DCTN5: variants seen among roughly 807,000 people sequenced by gnomAD.
The protein encoded by DCTN5 is dynactin 4.
Under a neutral mutation model 23.5 loss-of-function variants are expected in DCTN5, and 14 were observed. The observed-to-expected ratio is 0.60, with a 90% confidence interval of 0.39 to 0.93. The LOEUF is 0.93. Ranked by LOEUF, DCTN5 falls within the 40% of genes least tolerant of loss-of-function variation. DCTN5 has a pLI of 0.00. For synonymous variants in DCTN5, 67 were observed against 79.6 expected, an observed-to-expected ratio of 0.84 and a Z score of 0.84; for missense variants, 156 against 225.9, an observed-to-expected ratio of 0.69 and a Z score of 1.98.
Position 23,673,987 on chromosome 16 carries a change from G to A in DCTN5, c.*6843G>A, listed in dbSNP as rs992928245. 1 of 152,164 alleles carries A rather than the reference G, an allele frequency of 6.6e-6. No individual in the cohort carries two copies. The highest frequency in any genetic ancestry group is 2.4e-5 in the African/African-American group (1 of 41,434). The allele number at this position is 152,164 out of a possible 1,614,324, so 9.4% of individuals were successfully genotyped here. A position where few individuals can be genotyped will look rare whatever the true frequency, so the allele number is the denominator to read the frequency against. ...ACTCTAAGACCAACAAGATAAAAAG[G>A]CAGCCTTGCATGTCACTTGGACCAC... On this transcript the variant is annotated 3_prime_UTR_variant, in exon 6 of 6. Transcript: ENST00000300087.
chr16:23,663,447 C>T (rs537583017), intron 4 of DCTN5, among the ~76,000 whole-genome samples: 1 of 152,296 alleles, frequency 6.6e-6, no homozygotes, highest in Non-Finnish European at 1.5e-5. Flanking sequence ...GGCGCAGTGG[C>T]TCATGCCTGT....
Position 23,674,331 on chromosome 16 carries a change from T to C in DCTN5, c.*7187T>C, listed in dbSNP as rs1968057849. On this transcript the variant is annotated 3_prime_UTR_variant, in exon 6 of 6. Transcript: ENST00000300087. Reference sequence around the variant, plus strand: ...GGACCATCTAAGATCAAGCTGCTGATAGGCTCTTTGTCTCTAATACAGAGG... The same window carrying C: ...GGACCATCTAAGATCAAGCTGCTGACAGGCTCTTTGTCTCTAATACAGAGG... 6.6e-6 allele frequency: 1 copy of C among 152,248 alleles called. No homozygotes were observed. Among genetic ancestry groups the C allele is most frequent in the African/African-American group, 2.4e-5 (1 of 41,462 alleles). The allele number at this position is 152,248 out of a possible 1,614,324, so 9.4% of individuals were successfully genotyped here.
intron 2 of DCTN5, among the ~76,000 whole-genome samples, chr16:23,657,201 C>T (rs920562579): frequency 2.6e-5 from 4 of 152,132 alleles, no homozygotes; most frequent in Admixed American, 2.6e-4. Flanking sequence ...CCTGCAATCG[C>T]AGCACTTTGG....
chr16:23,658,116 T>G (rs1967743651), intron 2 of DCTN5, among the ~76,000 whole-genome samples: 1 of 152,196 alleles, frequency 6.6e-6, no homozygotes, highest in South Asian at 2.1e-4. Flanking sequence ...AGGTGTAGTG[T>G]TAAGAAAGAA....
rs1218439355 is a variant in DCTN5 at position 23,674,373 on chromosome 16, C to T, written c.*7229C>T. The T allele has an allele frequency of 1.3e-5, 2 of 152,236 alleles. No homozygotes were observed. Among genetic ancestry groups the T allele is most frequent in the African/African-American group, 4.8e-5 (2 of 41,446 alleles). 9.4% of individuals were successfully genotyped at this position (152,236 alleles called of 1,614,324 possible). A position where few individuals can be genotyped will look rare whatever the true frequency, so the allele number is the denominator to read the frequency against. ...ATACAGAGGCTAATTGCATTCCTAACTTCTAATATTTGCCAAACGCTCCAA... is the reference window on the plus strand; with the variant it reads ...ATACAGAGGCTAATTGCATTCCTAATTTCTAATATTTGCCAAACGCTCCAA... On this transcript the variant is annotated 3_prime_UTR_variant, in exon 6 of 6. Transcript: ENST00000300087.
At position 23,671,477 on chromosome 16, in the gene DCTN5, A is replaced by G. The variant is rs764860757; in HGVS notation, c.*4333A>G. On this transcript the variant is annotated 3_prime_UTR_variant, in exon 6 of 6. Coordinates refer to ENST00000300087, the MANE Select transcript of DCTN5 (RefSeq NM_032486.4). ...AATCACCCTTCCTTGTTTTGTATCTATGGGGTGCAAACATTTAATCCTCCC... is the reference window on the plus strand; with the variant it reads ...AATCACCCTTCCTTGTTTTGTATCTGTGGGGTGCAAACATTTAATCCTCCC... 1 of 152,218 alleles carries G rather than the reference A, an allele frequency of 6.6e-6. No individual in the cohort carries two copies. Among genetic ancestry groups the G allele is most frequent in the African/African-American group, 2.4e-5 (1 of 41,470 alleles). The allele number at this position is 152,218 out of a possible 1,614,324, so 9.4% of individuals were successfully genotyped here. A position where few individuals can be genotyped will look rare whatever the true frequency, so the allele number is the denominator to read the frequency against.
rs904339666 is a variant in DCTN5, at chr16:23,667,863, C to A, written c.*719C>A. On this transcript the variant is annotated 3_prime_UTR_variant, in exon 6 of 6. Coordinates refer to ENST00000300087, the MANE Select transcript of DCTN5 (RefSeq NM_032486.4). ...TGCCAAGTGTTAGATTTGAGTCTCT[C>A]ATGTGGATGCATTAGTCAGGTGGTT... 3.9e-5 allele frequency: 6 copies of A among 152,384 alleles called. No homozygotes were observed. The East Asian group carries it at 5.8e-4, about 15-fold the overall frequency. 9.4% of individuals were successfully genotyped at this position (152,384 alleles called of 1,614,324 possible).
At chr16:23,645,541 T>C (rs932615229) in intron 2 of DCTN5, among the ~76,000 whole-genome samples, 1 of 152,192 alleles carries the variant, frequency 6.6e-6, no homozygotes. Flanking sequence ...CTCTACACAT[T>C]AAGGAATACA....
intron 2 of DCTN5, among the ~76,000 whole-genome samples, chr16:23,656,917 G>A (rs1341594641): frequency 6.6e-6 from 1 of 151,824 alleles, no homozygotes; most frequent in Non-Finnish European, 1.5e-5. Context: ...CTTGAGCCTG[G>A]GAGGCGGGGT....
chr16:23,659,064 C>G (rs747397528), intron 3 of DCTN5, among the ~76,000 whole-genome samples: 8 of 152,120 alleles, frequency 5.3e-5, no homozygotes, highest in Non-Finnish European at 8.8e-5. Flanking sequence ...AGATACCTGC[C>G]CCATTTGTTC....
chr16:23,665,942 A>T (rs1967898106), intron 5 of DCTN5: 1 of 554,676 alleles, frequency 1.8e-6, no homozygotes, highest in Non-Finnish European at 3.2e-6. Flanking sequence ...TAAGGAAATT[A>T]TGAAGGGCCA....
chr16:23,643,609 G>C (rs1055720798), intron 2 of DCTN5, among the ~76,000 whole-genome samples: 6 of 152,028 alleles, frequency 3.9e-5, no homozygotes, highest in Admixed American at 2.0e-4. Flanking sequence ...TTATGATATA[G>C]TGTGCATTAA....
Position 23,649,448 on chromosome 16 carries a change from A to G in DCTN5, c.117+6425A>G, listed in dbSNP as rs1967549585. Among the ~76,000 whole-genome samples the G allele has an allele frequency of 2.6e-5, 4 of 152,040 alleles. No individual in the cohort carries two copies. In the South Asian group the frequency reaches 8.3e-4, roughly 32 times the overall value. On this transcript the variant is annotated intron_variant, in intron 2 of 5. Coordinates refer to ENST00000300087, the MANE Select transcript of DCTN5 (RefSeq NM_032486.4). ...TTCCTTTTGTTGTCTCTGCTTTTGA[A>G]GTCTTACTCATCTTTTCCAAGACCA...
chr16:23,645,097 A>ATC lies in DCTN5; in HGVS notation c.117+2075_117+2076insCT, dbSNP rs1567228249. 1.8e-4 allele frequency among the ~76,000 whole-genome samples: 3 copies of ATC among 16,750 alleles called. 1 individual carries two copies. In the East Asian group the frequency reaches 5.1e-3, roughly 28 times the overall value. The allele number at this position is 16,750 out of a possible 152,430, so 11.0% of individuals were successfully genotyped here. A position where few individuals can be genotyped will look rare whatever the true frequency, so the allele number is the denominator to read the frequency against. On this transcript the variant is annotated intron_variant, in intron 2 of 5. Coordinates refer to ENST00000300087, the MANE Select transcript of DCTN5 (RefSeq NM_032486.4). ...ACCCAGCCTAACTATATATATATAT[A>ATC]TATATATATATATATATATATATAT...
chr16:23,651,598 G>T (rs1159979712), intron 2 of DCTN5, among the ~76,000 whole-genome samples: 2 of 152,138 alleles, frequency 1.3e-5, no homozygotes, highest in African/African-American at 2.4e-5. Flanking sequence ...CAAAAGAAAA[G>T]GAAGCCATTT....
intron 2 of DCTN5, among the ~76,000 whole-genome samples, chr16:23,645,128 TATATATATA>T (rs1183285848): frequency 2.7e-3 from 106 of 38,706 alleles, no homozygotes; most frequent in South Asian, 6.3e-3. Flanking sequence ...TATATATATA[TATATATATA>T]TTTTTTTTTT....
intron 2 of DCTN5, among the ~76,000 whole-genome samples, chr16:23,647,305 T>C (rs1304932207): frequency 5.3e-5 from 8 of 151,992 alleles, no homozygotes; most frequent in Admixed American, 3.9e-4. Flanking sequence ...AGACAGGGTT[T>C]TGCCATTTTG....
At chr16:23,644,755 G>A (rs1469020215) in intron 2 of DCTN5, among the ~76,000 whole-genome samples, 2 of 151,098 alleles carry the variant, frequency 1.3e-5, no homozygotes, top group Non-Finnish European at 2.9e-5. Flanking sequence ...TTTTCTTATG[G>A]TGAACTATGT....
intron 2 of DCTN5, chr16:23,657,604 CG>C (rs1377660529): frequency 8.0e-5 from 22 of 275,828 alleles, no homozygotes; most frequent in Admixed American, 4.5e-4. Flanking sequence ...CCACCATGTC[CG>C]GCTAATTTTT....
Sources: allele counts gnomAD v4.1 joint callset (sites outside exome capture counted in the v4.1 genomes callset), GRCh38; gene constraint gnomAD v4.1.1; transcripts MANE v1.5; gene names NCBI Gene and HGNC (gene_info 2026-07-23, HGNC 2026-07-21).